MYH7B: variants seen among roughly 807,000 people sequenced by gnomAD.
The protein encoded by MYH7B is myosin-7B.
In MYH7B, 205 loss-of-function variants were observed where a neutral mutation model predicts 234.5. The observed-to-expected ratio is 0.87, with a 90% CI of 0.78 to 0.98. The LOEUF (loss-of-function observed/expected upper bound fraction) is 0.98. MYH7B is among the 50% of genes least tolerant of loss of function. The probability of loss-of-function intolerance (pLI) is 0.00; values close to 1 mark genes in which losing one functional copy is unlikely to be tolerated. For missense variants in MYH7B, 2,652 were observed against 2,633.4 expected, an observed-to-expected ratio of 1.01 and a Z score of -0.15; for synonymous variants, 1,193 against 1,105.0, an observed-to-expected ratio of 1.08 and a Z score of -1.58.
exon 42 of MYH7B, chr20:35,001,258 A>C (rs1255191823): frequency 6.2e-7 from 1 of 1,611,188 alleles, no homozygotes. Flanking sequence ...CGGGAGCTGG[A>C]GGCTGAGCTT....
At chr20:35,002,133 G>A in intron 44 of MYH7B, 44 bp from the exon 45 acceptor site, 5 of 1,607,086 alleles carry the variant, frequency 3.1e-6, no homozygotes, top group Non-Finnish European at 4.2e-6. Context: ...GACTGTGGGG[G>A]CTGACAGGTA....
At chr20:34,993,027 C>G (rs2082184253) in intron 24 of MYH7B, 75 bp from the exon 25 acceptor site, 1 of 1,549,756 alleles carries the variant, frequency 6.5e-7, no homozygotes, top group African/African-American at 1.4e-5. Context: ...CTCCTCAGTC[C>G]CTGACTTCCC....
At chr20:34,975,768 T>C (rs1358639830) in intron 3 of MYH7B, among the ~76,000 whole-genome samples, 1 of 152,036 alleles carries the variant, frequency 6.6e-6, no homozygotes, top group Non-Finnish European at 1.5e-5. Flanking sequence ...CAGGCTGGAG[T>C]GCAGTGGTGC....
At chr20:34,990,801 G>A (rs1569049544) in exon 23 of MYH7B, 1 of 1,614,132 alleles carries the variant, frequency 6.2e-7, no homozygotes. Flanking sequence ...CCGCTGCATT[G>A]TCCCCAACGA....
exon 36 of MYH7B, chr20:34,999,143 G>T: frequency 6.2e-7 from 1 of 1,613,746 alleles, no homozygotes; most frequent in Non-Finnish European, 8.5e-7. Flanking sequence ...AGGCCAAGCT[G>T]CGGCTACAGA....
intron 3 of MYH7B, 58 bp from the exon 4 acceptor site, chr20:34,977,574 G>A (rs1307459571): frequency 4.6e-6 from 7 of 1,509,496 alleles, no homozygotes; most frequent in African/African-American, 2.7e-5. Flanking sequence ...TGGCCAGGCT[G>A]GGGGGGCTGT....
intron 3 of MYH7B, among the ~76,000 whole-genome samples, chr20:34,976,820 T>A (rs781023471): frequency 5.3e-5 from 8 of 152,106 alleles, no homozygotes; most frequent in Non-Finnish European, 8.8e-5. Flanking sequence ...GTGTGCCAGA[T>A]AAAATATAGA....
intron 19 of MYH7B, 118 bp downstream of exon 19, chr20:34,988,380 GC>G (rs1388393665): frequency 1.7e-6 from 2 of 1,164,630 alleles, no homozygotes; most frequent in African/African-American, 3.1e-5. Context: ...GTGTGACTGT[GC>G]GTTGCAGTAA....
chr20:34,957,484 C>CTTTTTTT (rs71196770), intron 1 of MYH7B, among the ~76,000 whole-genome samples: 2 of 104,334 alleles, frequency 1.9e-5, no homozygotes, highest in Non-Finnish European at 1.9e-5. Context: ...CCTTTTGACT[C>CTTTTTTT]TTTTTTTTTT....
Position 34,993,314 on chromosome 20 carries a change from G to A in MYH7B, c.2308-20G>A, listed in dbSNP as rs2147218444. On this transcript the variant is annotated intron_variant, in intron 25 of 44. Transcript: ENST00000262873. Reference sequence around the variant, plus strand: ...CGGATGGTTGGGGGTTACCCTGGCTGTCTACCTCTCCGCCCCCAGGTGTTC... The same window carrying A: ...CGGATGGTTGGGGGTTACCCTGGCTATCTACCTCTCCGCCCCCAGGTGTTC... 1 of 1,614,070 alleles carries A rather than the reference G, an allele frequency of 6.2e-7. No individual in the cohort carries two copies. The highest frequency in any genetic ancestry group is 2.2e-5 in the East Asian group (1 of 44,884).
chr20:34,962,163 G>A (rs1310485457), intron 2 of MYH7B, among the ~76,000 whole-genome samples: 1 of 152,116 alleles, frequency 6.6e-6, no homozygotes, highest in East Asian at 1.9e-4. Context: ...GTAGGTCAAG[G>A]CTGCAGGGAC....
At chr20:34,991,546 C>G (rs1406655729) in intron 24 of MYH7B, among the ~76,000 whole-genome samples, 1 of 152,160 alleles carries the variant, frequency 6.6e-6, no homozygotes, top group Non-Finnish European at 1.5e-5. Flanking sequence ...ATGCCTCCAG[C>G]AGACATCCTA....
chr20:34,995,200 C>A, intron 27 of MYH7B, 136 bp from the exon 28 acceptor site: 1 of 833,164 alleles, frequency 1.2e-6, no homozygotes, highest in Non-Finnish European at 1.9e-6. Context: ...AAGAGCGAGT[C>A]AAGACATTCC....
Position 34,993,131 on chromosome 20 carries a change from C to T in MYH7B, c.2213C>T (p.Pro738Leu), listed in dbSNP as rs925404727. The T allele has an allele frequency of 1.2e-5, 19 of 1,613,738 alleles. No homozygotes were observed. Among genetic ancestry groups the T allele is most frequent in the African/African-American group, 1.1e-4 (8 of 74,918 alleles). The change falls in exon 25 of 45, where the codon CCG becomes CTG. Residue 738 changes from proline to leucine, a missense_variant. Pro to Leu is a moderately conservative substitution (Grantham distance 98, BLOSUM62 -3). Transcript: ENST00000262873. ...CGTATCCTGAACCCCAGTGCCATCC[C>T]GGATGACACCTTCATGGACAGCAGG...
chr20:34,975,894 T>C (rs1381245169), intron 3 of MYH7B, among the ~76,000 whole-genome samples: 1 of 152,046 alleles, frequency 6.6e-6, no homozygotes, highest in African/African-American at 2.4e-5. Context: ...TTTTTTGTAT[T>C]TTTACTAGAG....
At chr20:34,970,048 G>A (rs2081778700) in intron 2 of MYH7B, among the ~76,000 whole-genome samples, 1 of 152,166 alleles carries the variant, frequency 6.6e-6, no homozygotes, top group South Asian at 2.1e-4. Flanking sequence ...TTCGTGCCTG[G>A]TAACTGGCAG....
rs370975357 is a variant in MYH7B, at chr20:35,000,830, G to A, written c.5241G>A (p.Glu1747=). The change falls in exon 40 of 45, where the codon GAG becomes GAA. Residue 1747 remains glutamate (E), a synonymous_variant. Coordinates refer to ENST00000262873, the Ensembl canonical transcript of MYH7B. ...CGGACTTGGCCCAGCTGAGCGGGGA[G>A]GTGGAGGAGGCTGCACAGGAGAGGC... The A allele has an allele frequency of 3.7e-6, 6 of 1,613,790 alleles. No homozygotes were observed. The African/African-American group carries it at 8.0e-5, about 22-fold the overall frequency.
At chr20:34,989,690 C>T in intron 19 of MYH7B, 50 bp from the exon 20 acceptor site, 2 of 1,574,242 alleles carry the variant, frequency 1.3e-6, no homozygotes, top group Non-Finnish European at 1.7e-6. Flanking sequence ...TTCAGTCCTT[C>T]CAGGATGGAC....
intron 3 of MYH7B, 128 bp from the exon 4 acceptor site, chr20:34,977,504 T>TAAA (rs929936255): frequency 9.8e-6 from 8 of 818,440 alleles, no homozygotes; most frequent in Non-Finnish European, 1.6e-5. Flanking sequence ...CAATGGGAGG[T>TAAA]AAAAATAGCC....
Sources: allele counts gnomAD v4.1 joint callset (sites outside exome capture counted in the v4.1 genomes callset), GRCh38; gene constraint gnomAD v4.1.1; transcripts MANE v1.5; gene names NCBI Gene and HGNC (gene_info 2026-07-23, HGNC 2026-07-21).